The following MYO5A variants were observed in gnomAD, a reference collection of about 807,000 sequenced individuals.
MYO5A encodes the protein myosin VA.
A neutral mutation model predicts 249.7 loss-of-function variants in MYO5A; 98 were observed. That is an observed-to-expected ratio of 0.39 (90% CI 0.33 to 0.46). The LOEUF (loss-of-function observed/expected upper bound fraction) is 0.46. Ranked by LOEUF, MYO5A falls within the 20% of genes least tolerant of loss-of-function variation. The pLI is 0.98. For missense variants in MYO5A, 1,696 were observed against 2,308.8 expected (o/e 0.73, Z 5.44); for synonymous variants, 778 against 810.6 (o/e 0.96, Z 0.68).
chr15:52,508,513 C>T (rs1287678032), intron 1 of MYO5A, among the ~76,000 whole-genome samples: 1 of 152,106 alleles, frequency 6.6e-6, no homozygotes, highest in South Asian at 2.1e-4. Flanking sequence ...TTCTAAATCC[C>T]TCCTTTGTTT....
At chr15:52,469,916 A>G (rs557647717) in intron 1 of MYO5A, among the ~76,000 whole-genome samples, 5 of 152,266 alleles carry the variant, frequency 3.3e-5, no homozygotes, top group African/African-American at 1.2e-4. Flanking sequence ...AATTTCTCCA[A>G]GATTCATAGC....
chr15:52,522,841 TAAA>T (rs11367026), intron 1 of MYO5A, among the ~76,000 whole-genome samples: 38 of 136,132 alleles, frequency 2.8e-4, no homozygotes, highest in Admixed American at 5.2e-4. Context: ...TTTCATTATT[TAAA>T]AAAAAAAAAA....
intron 1 of MYO5A, among the ~76,000 whole-genome samples, chr15:52,512,861 C>T (rs958047937): frequency 6.6e-6 from 1 of 152,110 alleles, no homozygotes; most frequent in Admixed American, 6.6e-5. Context: ...GGCACAGTGG[C>T]TCACACCTGT....
chr15:52,425,438 C>A (rs1339519248), intron 4 of MYO5A, among the ~76,000 whole-genome samples: 1 of 152,134 alleles, frequency 6.6e-6, no homozygotes, highest in Non-Finnish European at 1.5e-5. Flanking sequence ...CGGCTCACTG[C>A]AACCTCTGTC....
intron 36 of MYO5A, among the ~76,000 whole-genome samples, chr15:52,327,628 G>T (rs2038673548): frequency 6.6e-6 from 1 of 152,182 alleles, no homozygotes; most frequent in Non-Finnish European, 1.5e-5. Context: ...GATTGCTTGA[G>T]CCTGGGATTG....
chr15:52,433,402 C>T, intron 1 of MYO5A, 117 bp from the exon 2 acceptor site: 2 of 424,186 alleles, frequency 4.7e-6, no homozygotes, highest in Non-Finnish European at 4.2e-6. Flanking sequence ...TCTTGGCCAA[C>T]ATGAAATTCA....
chr15:52,469,888 A>G (rs528704387), intron 1 of MYO5A, among the ~76,000 whole-genome samples: 3 of 152,282 alleles, frequency 2.0e-5, no homozygotes, highest in African/African-American at 7.2e-5. Context: ...GCTTTGGTGT[A>G]GTGTCTATTT....
chr15:52,518,557 C>T (rs978918333), intron 1 of MYO5A, among the ~76,000 whole-genome samples: 5 of 152,176 alleles, frequency 3.3e-5, no homozygotes, highest in Non-Finnish European at 7.3e-5. Flanking sequence ...AACCATGCTG[C>T]TTATCAAACT....
At chr15:52,436,641 T>C (rs976222753) in intron 1 of MYO5A, among the ~76,000 whole-genome samples, 2 of 152,252 alleles carry the variant, frequency 1.3e-5, no homozygotes, top group Admixed American at 6.5e-5. Flanking sequence ...CATTAGAACA[T>C]AAGTTCTGTG....
At chr15:52,342,679 C>T (rs566127339) in intron 31 of MYO5A, among the ~76,000 whole-genome samples, 241 of 152,182 alleles carry the variant, frequency 1.6e-3, no homozygotes, top group African/African-American at 5.6e-3. Context: ...CTTTGAGAGG[C>T]TCAGGTGGGC....
rs377142501 is a variant in MYO5A at position 52,317,067 on chromosome 15, T to C, written c.5390A>G (p.Asn1797Ser). The C allele has an allele frequency of 1.4e-5, 23 of 1,614,016 alleles. No individual in the cohort carries two copies. Among genetic ancestry groups the C allele is most frequent in the African/African-American group, 6.7e-5 (5 of 74,936 alleles). ...DDAEAICSMC[N>S]ALTTAQIVKV... The stretch of plus-strand genomic sequence containing the variant: ...CTCTACCTGGGCAGTAGTTAAAGCA[T>C]TGCACATAGAACAAATGGCTTCTGC... The change falls in exon 40 of 42, where the codon AAT (asparagine) becomes AGT (serine). Residue 1797 changes from asparagine to serine, a missense_variant. By Grantham distance (46) the Asn-to-Ser change is conservative. Transcript: ENST00000399233.
At chr15:52,321,540 C>T (rs369371614) in intron 37 of MYO5A, 31 bp from the exon 38 acceptor site, 12 of 1,610,148 alleles carry the variant, frequency 7.5e-6, no homozygotes, top group Non-Finnish European at 1.0e-5. Flanking sequence ...TAATGATACA[C>T]ATGAAGTAAC....
intron 25 of MYO5A, among the ~76,000 whole-genome samples, chr15:52,359,479 T>TA (rs1311544694): frequency 3.3e-5 from 5 of 152,172 alleles, no homozygotes; most frequent in Non-Finnish European, 5.9e-5. Context: ...GTTACATTGG[T>TA]AAAAACTGGC....
rs2039630626 is a variant in MYO5A at position 52,346,423 on chromosome 15, T to C, written c.3897A>G (p.Val1299=). The change falls in exon 30 of 42, where the codon GTA becomes GTG. Residue 1299 remains valine, a synonymous_variant. Coordinates refer to ENST00000399233, the MANE Select transcript of MYO5A (RefSeq NM_001382347.1). ...TTTCACCTTTATCTTTCATTTTTTGTACATCTTCCAAAAGTATTGTGGAAT... is the reference window on the plus strand; with the variant it reads ...TTTCACCTTTATCTTTCATTTTTTGCACATCTTCCAAAAGTATTGTGGAAT... ...MTDSTILLED[V]QKMKDKGEIA... 2 of 1,607,718 alleles carry C rather than the reference T, an allele frequency of 1.2e-6. No individual in the cohort carries two copies. The highest frequency in any genetic ancestry group is 1.7e-6 in the Non-Finnish European group (2 of 1,174,474).
In MYO5A at chr15:52,416,252, T is replaced by C; in HGVS notation, c.505A>G (p.Lys169Glu). 1.2e-6 allele frequency: 2 copies of C among 1,614,090 alleles called. No individual in the cohort carries two copies. The highest frequency in any genetic ancestry group is 8.5e-7 in the Non-Finnish European group (1 of 1,179,960). Residue 169 changes from lysine (K) to glutamate (E), a missense_variant, in exon 5 of 42, where the codon AAA (lysine) becomes GAA (glutamate). Transcript: ENST00000399233. ...IIVSGESGAGKTVSAKYAMRY... is the reference protein window; with the variant it reads ...IIVSGESGAGETVSAKYAMRY... The stretch of plus-strand genomic sequence containing the variant: ...ATGGCATACTTAGCTGAGACTGTTT[T>C]TCCTGCCCCAGACTCTCCACTTACG...
At chr15:52,507,603 AG>A (rs779036800) in intron 1 of MYO5A, among the ~76,000 whole-genome samples, 1 of 152,090 alleles carries the variant, frequency 6.6e-6, no homozygotes, top group Non-Finnish European at 1.5e-5. Context: ...GGATCACTTT[AG>A]CCTAGGAGCA....
At chr15:52,474,452 T>A (rs2076546334) in intron 1 of MYO5A, among the ~76,000 whole-genome samples, 1 of 152,212 alleles carries the variant, frequency 6.6e-6, no homozygotes, top group Non-Finnish European at 1.5e-5. Flanking sequence ...AGAGAGGGCA[T>A]CCCTGTCTTG....
At chr15:52,352,029 T>C (rs1486786278) in intron 27 of MYO5A, among the ~76,000 whole-genome samples, 1 of 152,260 alleles carries the variant, frequency 6.6e-6, no homozygotes, top group Non-Finnish European at 1.5e-5. Flanking sequence ...CCCTTTTGTG[T>C]CTAAATGACA....
chr15:52,320,398 C>T (rs1567016377), intron 38 of MYO5A, among the ~76,000 whole-genome samples: 1 of 152,150 alleles, frequency 6.6e-6, no homozygotes, highest in Non-Finnish European at 1.5e-5. Flanking sequence ...TAGATTGGGG[C>T]TTCTTTGAGG....
Sources: allele counts gnomAD v4.1 joint callset (sites outside exome capture counted in the v4.1 genomes callset), GRCh38; gene constraint gnomAD v4.1.1; transcripts MANE v1.5; gene names NCBI Gene and HGNC (gene_info 2026-07-23, HGNC 2026-07-21).